The following EXT2 variants were observed in gnomAD, a reference collection of about 807,000 sequenced individuals.
The protein encoded by EXT2 is exostosin-2.
Under a neutral mutation model 81.6 loss-of-function variants are expected in EXT2, and 53 were observed. That is an observed-to-expected ratio of 0.65 (90% CI 0.52 to 0.82). The LOEUF (loss-of-function observed/expected upper bound fraction) is 0.82, where lower values mean the gene tolerates loss of function less well. Ranked by LOEUF, EXT2 falls within the 40% of genes least tolerant of loss-of-function variation. The pLI, the probability that EXT2 is intolerant of heterozygous loss-of-function variation, is 0.00. For synonymous variants in EXT2, 320 were observed against 340.0 expected (o/e 0.94, Z 0.65); for missense variants, 774 against 910.2 (o/e 0.85, Z 1.93).
At chr11:44,185,472 G>T (rs955877087) in intron 8 of EXT2, among the ~76,000 whole-genome samples, 1 of 151,868 alleles carries the variant, frequency 6.6e-6, no homozygotes, top group Admixed American at 6.6e-5. Context: ...TTGAACTCTG[G>T]TCCATTCTTG....
intron 10 of EXT2, among the ~76,000 whole-genome samples, chr11:44,212,515 G>A (rs960073941): frequency 6.6e-6 from 1 of 151,866 alleles, no homozygotes; most frequent in Non-Finnish European, 1.5e-5. Flanking sequence ...GTGAGGCTGT[G>A]GAGCAACTTG....
At chr11:44,233,978 C>T (rs1217669878) in intron 11 of EXT2, 137 bp from the exon 12 acceptor site, 1 of 1,229,346 alleles carries the variant, frequency 8.1e-7, no homozygotes, top group African/African-American at 1.5e-5. Flanking sequence ...CTCCTTTTAC[C>T]CTTCCTATTA....
chr11:44,148,365 G>C (rs1382416227), intron 7 of EXT2, among the ~76,000 whole-genome samples: 1 of 152,204 alleles, frequency 6.6e-6, no homozygotes, highest in East Asian at 1.9e-4. Context: ...TTAGCCAAGA[G>C]CACATAGGAC....
chr11:44,114,076 G>A (rs543337143), intron 3 of EXT2, 109 bp from the exon 4 acceptor site: 24 of 985,452 alleles, frequency 2.4e-5, no homozygotes, highest in African/African-American at 2.2e-4. Context: ...CTCTGTAAAC[G>A]TTAGCTGGTT....
intron 7 of EXT2, among the ~76,000 whole-genome samples, chr11:44,140,641 C>T (rs1297507571): frequency 6.6e-6 from 1 of 152,214 alleles, no homozygotes; most frequent in Non-Finnish European, 1.5e-5. Context: ...AGCATCCTTA[C>T]TCTCCTTCTC....
rs11037892 is a variant in EXT2, at chr11:44,159,771, G to C, written c.1174-11840G>C. 0.019 allele frequency among the ~76,000 whole-genome samples: 2,938 copies of C among 152,218 alleles called. 240 individuals carry two copies. In the East Asian group the frequency reaches 0.28, roughly 15 times the overall value. On this transcript the variant is annotated intron_variant, in intron 7 of 13. Coordinates refer to ENST00000533608, the MANE Select transcript of EXT2 (RefSeq NM_207122.2). ...CTTCAATGGTATGGTGGTATTGTGT[G>C]GGGGGAAGGACTGGACTGTGAACTT...
intron 10 of EXT2, among the ~76,000 whole-genome samples, chr11:44,226,235 A>G (rs1590662065): frequency 6.6e-6 from 1 of 152,192 alleles, no homozygotes. Flanking sequence ...AAGCCTGCCC[A>G]TGTAATTGGT....
In EXT2 at chr11:44,230,489, T is replaced by A. The variant is rs149046274; in HGVS notation, c.1663-1864T>A. 1.3e-3 allele frequency among the ~76,000 whole-genome samples: 202 copies of A among 152,290 alleles called. 1 individual carries two copies. The highest frequency in any genetic ancestry group is 4.7e-3 in the African/African-American group (197 of 41,558). On this transcript the variant is annotated intron_variant, in intron 10 of 13. Transcript: ENST00000533608. ...TGACTTTATTTGGAAATGGGGTATT[T>A]TCAGAGGTTAATCAAGTTAAAATGT... is the stretch of plus-strand genomic sequence containing the variant.
At chr11:44,112,099 T>C (rs1954152772) in intron 3 of EXT2, among the ~76,000 whole-genome samples, 1 of 152,234 alleles carries the variant, frequency 6.6e-6, no homozygotes, top group African/African-American at 2.4e-5. Flanking sequence ...TTTGCAGGCC[T>C]GATTCCATGC....
chr11:44,235,126 G>A (rs1955945839), intron 12 of EXT2, among the ~76,000 whole-genome samples: 1 of 149,906 alleles, frequency 6.7e-6, no homozygotes, highest in Non-Finnish European at 1.5e-5. Flanking sequence ...CTGTCCCCCA[G>A]CTCTCTAAAT....
At chr11:44,122,129 G>A (rs1203668814) in intron 4 of EXT2, among the ~76,000 whole-genome samples, 1 of 152,082 alleles carries the variant, frequency 6.6e-6, no homozygotes, top group Non-Finnish European at 1.5e-5. Context: ...TAAAGAGAAA[G>A]GCTCCAGAAA....
intron 3 of EXT2, among the ~76,000 whole-genome samples, chr11:44,113,682 A>G (rs1442401345): frequency 6.6e-6 from 1 of 152,188 alleles, no homozygotes; most frequent in Non-Finnish European, 1.5e-5. Flanking sequence ...TGCTTGAGGC[A>G]GGGATTGGAG....
chr11:44,223,638 G>A (rs1955805324), intron 10 of EXT2, among the ~76,000 whole-genome samples: 1 of 151,364 alleles, frequency 6.6e-6, no homozygotes, highest in Non-Finnish European at 1.5e-5. Flanking sequence ...TAGGGAGGGA[G>A]ACAGTTGTGT....
chr11:44,239,903 A>T (rs1448929643), intron 13 of EXT2, among the ~76,000 whole-genome samples: 6 of 152,052 alleles, frequency 3.9e-5, no homozygotes, highest in Non-Finnish European at 8.8e-5. Context: ...ATCTTCACGC[A>T]TGCGCAAGTC....
At chr11:44,232,556 G>A in intron 11 of EXT2, 60 bp downstream of exon 11, 1 of 1,601,212 alleles carries the variant, frequency 6.2e-7, no homozygotes, top group Non-Finnish European at 8.5e-7. Flanking sequence ...CATTTTATTT[G>A]ACCCAATTTA....
chr11:44,184,432 G>A (rs532834009), intron 8 of EXT2, among the ~76,000 whole-genome samples: 35 of 152,240 alleles, frequency 2.3e-4, no homozygotes, highest in Admixed American at 6.5e-4. Context: ...AGGTAAGAAA[G>A]GGAGGAGGAA....
At chr11:44,207,846 G>C (rs917046901) in intron 10 of EXT2, among the ~76,000 whole-genome samples, 3 of 151,906 alleles carry the variant, frequency 2.0e-5, no homozygotes, top group Non-Finnish European at 2.9e-5. Context: ...TAAGGACAAG[G>C]AAAAGGAATC....
At chr11:44,207,970 T>G (rs1385356951) in intron 10 of EXT2, among the ~76,000 whole-genome samples, 1 of 152,112 alleles carries the variant, frequency 6.6e-6, no homozygotes, top group Non-Finnish European at 1.5e-5. Flanking sequence ...TGAAATAGAT[T>G]AATAGATTGA....
At chr11:44,228,325 G>A (rs957414389) in intron 10 of EXT2, among the ~76,000 whole-genome samples, 3 of 152,144 alleles carry the variant, frequency 2.0e-5, no homozygotes, top group African/African-American at 7.2e-5. Context: ...AATATATAAA[G>A]GCATTTGGTA....
Sources: gnomAD v4.1 joint callset for allele counts (sites outside exome capture counted in the v4.1 genomes callset) on GRCh38, gnomAD v4.1.1 for gene constraint, MANE v1.5 for transcripts, NCBI Gene and HGNC (gene_info 2026-07-23, HGNC 2026-07-21) for gene names.